Variants in WASF1 observed in about 807,000 individuals in gnomAD.
WASF1 encodes the protein WASP family member 1.
Under a neutral mutation model 50.5 loss-of-function variants are expected in WASF1, and 7 were observed. The observed-to-expected ratio is 0.14, with a 90% CI of 0.08 to 0.26. The LOEUF is 0.26. Among genes scored for constraint, WASF1 ranks in the 10% least tolerant of loss-of-function variants. WASF1 has a pLI of 1.00. For missense variants in WASF1, 470 were observed against 694.7 expected (o/e 0.68, Z 3.64); for synonymous variants, 205 against 244.0 (o/e 0.84, Z 1.49).
In WASF1 at chr6:110,179,553, G is replaced by A. The variant is rs1777114740; in HGVS notation, c.-386C>T. On this transcript the variant is annotated 5_prime_UTR_variant, in exon 1 of 11. Coordinates refer to ENST00000392589, the MANE Select transcript of WASF1 (RefSeq NM_003931.3). Reference sequence around the variant, plus strand: ...GCCCCCAGGAGGGTCGGGCTCTGGGGCGGAACCCGCTCAGGGCAGCGGCCC... The same window carrying A: ...GCCCCCAGGAGGGTCGGGCTCTGGGACGGAACCCGCTCAGGGCAGCGGCCC... 6.6e-6 allele frequency: 1 copy of A among 151,996 alleles called. No individual in the cohort carries two copies. Among genetic ancestry groups the A allele is most frequent in the Non-Finnish European group, 1.5e-5 (1 of 67,954 alleles). The allele number at this position is 151,996 out of a possible 1,614,324, so 9.4% of individuals were successfully genotyped here.
intron 4 of WASF1, among the ~76,000 whole-genome samples, chr6:110,117,753 C>T (rs982276750): frequency 2.0e-5 from 3 of 152,112 alleles, no homozygotes; most frequent in African/African-American, 7.2e-5. Flanking sequence ...ATGTTAAGGG[C>T]AGCCACAGAG....
intron 4 of WASF1, among the ~76,000 whole-genome samples, chr6:110,120,479 G>A (rs925881817): frequency 6.6e-6 from 1 of 152,136 alleles, no homozygotes; most frequent in African/African-American, 2.4e-5. Context: ...CAACTTACAA[G>A]GGATGTGAAG....
At chr6:110,147,944 GC>G (rs1562182239) in intron 3 of WASF1, among the ~76,000 whole-genome samples, 2 of 152,050 alleles carry the variant, frequency 1.3e-5, no homozygotes, top group African/African-American at 4.8e-5. Context: ...ACGAGATTTT[GC>G]CATGTTGCCC....
In WASF1 at chr6:110,108,585, T is replaced by C; in HGVS notation, c.365A>G (p.Gln122Arg). The change falls in exon 6 of 11, where the codon CAG (glutamine) becomes CGG (arginine). Residue 122 changes from glutamine to arginine, a missense_variant. Physicochemically the swap from Gln to Arg is conservative, Grantham distance 43. Around this residue, in one of 3 missense-constraint regions of WASF1, gnomAD observed 140 missense variants for 260.5 expected, o/e 0.54. Coordinates refer to ENST00000392589, the MANE Select transcript of WASF1 (RefSeq NM_003931.3). ...FDRKTLPIPLQETYDVCEQPP... is the reference protein window; with the variant it reads ...FDRKTLPIPLRETYDVCEQPP... The stretch of plus-strand genomic sequence containing the variant: ...CTGTTCACAAACATCGTACGTCTCC[T>C]GTAATGGAATAGGCAAAGTCTTGCG... 1 of 1,614,112 alleles carries C rather than the reference T, an allele frequency of 6.2e-7. No homozygotes were observed. Among genetic ancestry groups the C allele is most frequent in the Non-Finnish European group, 8.5e-7 (1 of 1,179,974 alleles).
intron 2 of WASF1, among the ~76,000 whole-genome samples, chr6:110,164,489 G>C (rs1378772380): frequency 6.6e-6 from 1 of 151,612 alleles, no homozygotes; most frequent in Non-Finnish European, 1.5e-5. Flanking sequence ...TGTGTCAGTA[G>C]GGAATTGCAA....
intron 3 of WASF1, among the ~76,000 whole-genome samples, chr6:110,128,774 T>C (rs1774524819): frequency 6.6e-6 from 1 of 152,148 alleles, no homozygotes; most frequent in South Asian, 2.1e-4. Context: ...AACCAGGCTG[T>C]ACAGCAGGAG....
intron 4 of WASF1, among the ~76,000 whole-genome samples, chr6:110,122,921 C>T (rs1396649274): frequency 6.6e-6 from 1 of 151,828 alleles, no homozygotes; most frequent in African/African-American, 2.4e-5. Flanking sequence ...AAACTTTAAA[C>T]CCTATCTAAA....
intron 3 of WASF1, among the ~76,000 whole-genome samples, chr6:110,141,794 C>T (rs1775252823): frequency 1.3e-5 from 2 of 150,020 alleles, no homozygotes; most frequent in South Asian, 2.1e-4. Flanking sequence ...TTCTTTGAGT[C>T]GGAGTCTCGC....
At chr6:110,164,749 G>A (rs572865940) in intron 2 of WASF1, among the ~76,000 whole-genome samples, 25 of 151,566 alleles carry the variant, frequency 1.6e-4, no homozygotes, top group African/African-American at 4.3e-4. Context: ...TGTCAACATC[G>A]ATGTTTTAGC....
chr6:110,175,423 T>C (rs1400604023), intron 2 of WASF1, among the ~76,000 whole-genome samples: 1 of 152,034 alleles, frequency 6.6e-6, no homozygotes, highest in East Asian at 1.9e-4. Flanking sequence ...AACAGGCACG[T>C]GTGAAAGGAT....
chr6:110,172,386 A>G (rs1180110563), intron 2 of WASF1, among the ~76,000 whole-genome samples: 4 of 152,124 alleles, frequency 2.6e-5, no homozygotes, highest in Non-Finnish European at 4.4e-5. Flanking sequence ...AAATCAAGAG[A>G]AAAAAACAAT....
intron 4 of WASF1, among the ~76,000 whole-genome samples, chr6:110,121,524 T>C (rs1433969300): frequency 6.6e-6 from 1 of 152,142 alleles, no homozygotes; most frequent in Non-Finnish European, 1.5e-5. Flanking sequence ...CATTAAAAAG[T>C]CAGGAAACAA....
chr6:110,105,362 A>C, intron 8 of WASF1, 45 bp downstream of exon 8: 1 of 1,547,386 alleles, frequency 6.5e-7, no homozygotes. Flanking sequence ...CTACAAATAA[A>C]GCCAATGTTT....
intron 2 of WASF1, among the ~76,000 whole-genome samples, chr6:110,168,290 G>C (rs73765672): frequency 0.045 from 6,787 of 152,014 alleles, 185 homozygotes; most frequent in African/African-American, 0.071. Context: ...TCTGTACTTA[G>C]TATAGCATTA....
chr6:110,124,779 A>G (rs1243192568), intron 4 of WASF1, among the ~76,000 whole-genome samples: 1 of 152,082 alleles, frequency 6.6e-6, no homozygotes, highest in African/African-American at 2.4e-5. Context: ...GCATGATGGC[A>G]CTCGCCTGTA....
chr6:110,105,731 C>T (rs1436407995), intron 7 of WASF1, 152 bp from the exon 8 acceptor site: 4 of 794,386 alleles, frequency 5.0e-6, no homozygotes, highest in East Asian at 2.7e-5. Context: ...TTTACTTGTA[C>T]ATTCAGTTAA....
chr6:110,149,513 AAAG>A (rs1775732297), intron 3 of WASF1, among the ~76,000 whole-genome samples: 1 of 151,504 alleles, frequency 6.6e-6, no homozygotes, highest in Non-Finnish European at 1.5e-5. Context: ...GGAAAGAAAG[AAAG>A]AAAAAAACAA....
At chr6:110,161,877 G>C (rs1310492259) in intron 2 of WASF1, among the ~76,000 whole-genome samples, 6 of 151,410 alleles carry the variant, frequency 4.0e-5, no homozygotes, top group Admixed American at 4.0e-4. Flanking sequence ...AATCCCTATA[G>C]AAAGTATTCA....
chr6:110,108,965 T>C (rs1435748928), intron 5 of WASF1, among the ~76,000 whole-genome samples: 1 of 152,174 alleles, frequency 6.6e-6, no homozygotes, highest in African/African-American at 2.4e-5. Context: ...CAACCAAATA[T>C]ACCTTTTTCT....
Sources: gnomAD v4.1 joint callset for allele counts (sites outside exome capture counted in the v4.1 genomes callset) on GRCh38, gnomAD v4.1.1 for gene constraint, gnomAD v4.1.1 regional missense constraint, MANE v1.5 for transcripts, NCBI Gene and HGNC (gene_info 2026-07-23, HGNC 2026-07-21) for gene names.